The following LMNB1 variants were observed in gnomAD, a reference collection of about 807,000 sequenced individuals.
LMNB1 encodes the protein lamin-B1.
In LMNB1, 23 loss-of-function variants were observed where a neutral mutation model predicts 67.1. The observed-to-expected ratio is 0.34, with a 90% CI of 0.25 to 0.49. The LOEUF (loss-of-function observed/expected upper bound fraction) is 0.49, where lower values mean the gene tolerates loss of function less well. LMNB1 is among the 20% of genes least tolerant of loss of function. The pLI is 0.99. For synonymous variants in LMNB1, 281 were observed against 282.9 expected (o/e 0.99, Z 0.07); for missense variants, 634 against 746.5 (o/e 0.85, Z 1.76).
chr5:126,831,479 C>T (rs1752128295), intron 9 of LMNB1, among the ~76,000 whole-genome samples: 1 of 152,138 alleles, frequency 6.6e-6, no homozygotes, highest in African/African-American at 2.4e-5. Context: ...TGATAGGAGA[C>T]CTATTTCTGT....
chr5:126,816,618 T>C (rs1362438035), intron 5 of LMNB1, among the ~76,000 whole-genome samples: 1 of 152,230 alleles, frequency 6.6e-6, no homozygotes, highest in Non-Finnish European at 1.5e-5. Flanking sequence ...TCTTCTGTTA[T>C]CTTCTTTCTG....
At chr5:126,824,328 A>G (rs1442274521) in intron 8 of LMNB1, among the ~76,000 whole-genome samples, 1 of 152,224 alleles carries the variant, frequency 6.6e-6, no homozygotes, top group Non-Finnish European at 1.5e-5. Flanking sequence ...ATGAAACCCA[A>G]TATATCCAAA....
At chr5:126,786,299 T>A (rs1580525583) in intron 1 of LMNB1, among the ~76,000 whole-genome samples, 1 of 151,714 alleles carries the variant, frequency 6.6e-6, no homozygotes, top group African/African-American at 2.4e-5. Context: ...ATTTTTTGTA[T>A]TTTTTAGTAG....
intron 5 of LMNB1, among the ~76,000 whole-genome samples, chr5:126,812,334 T>C (rs1348799158): frequency 2.0e-5 from 3 of 152,260 alleles, no homozygotes; most frequent in Non-Finnish European, 4.4e-5. Flanking sequence ...ACAAATTCTT[T>C]AGTGCTTAAA....
At chr5:126,776,644 A>G (rs943748752), upstream of LMNB1, 1 of 152,158 alleles carries the variant, frequency 6.6e-6, no homozygotes, top group Non-Finnish European at 1.5e-5. Flanking sequence ...TAAGGTTACC[A>G]CGCCCGCGGT....
At chr5:126,787,965 T>C (rs1162499183) in intron 1 of LMNB1, among the ~76,000 whole-genome samples, 2 of 151,856 alleles carry the variant, frequency 1.3e-5, no homozygotes, top group Non-Finnish European at 2.9e-5. Context: ...CTGGCTATGC[T>C]GTGGAGGGAA....
Position 126,777,470 on chromosome 5 carries a change from G to T in LMNB1, c.-39G>T. On this transcript the variant is annotated 5_prime_UTR_variant, in exon 1 of 11. Transcript: ENST00000261366. The stretch of plus-strand genomic sequence containing the variant: ...GCCGTCCCCTCCTTATCACGGTCCC[G>T]CTCGCGGCCTCGCCGCCCCGCTGTC... The T allele has an allele frequency of 2.3e-6, 3 of 1,296,912 alleles. No individual in the cohort carries two copies. The highest frequency in any genetic ancestry group is 1.6e-5 in the African/African-American group (1 of 64,344). The allele number at this position is 1,296,912 out of a possible 1,614,324, so 80.3% of individuals were successfully genotyped here. A position where few individuals can be genotyped will look rare whatever the true frequency, so the allele number is the denominator to read the frequency against.
At chr5:126,802,653 C>A (rs1468388918) in intron 1 of LMNB1, among the ~76,000 whole-genome samples, 1 of 151,460 alleles carries the variant, frequency 6.6e-6, no homozygotes, top group African/African-American at 2.4e-5. Flanking sequence ...TTTGGCCAGG[C>A]TTGCCTCAAA....
At chr5:126,797,684 AAAT>A (rs1245746908) in intron 1 of LMNB1, among the ~76,000 whole-genome samples, 1 of 152,172 alleles carries the variant, frequency 6.6e-6, no homozygotes, top group Non-Finnish European at 1.5e-5. Context: ...GATGAATGAA[AAAT>A]AATATGGTTA....
At position 126,787,545 on chromosome 5, in the gene LMNB1, TA is replaced by T. The variant is rs66540364; in HGVS notation, c.359+9679del. Among the ~76,000 whole-genome samples, 41 of 64,800 alleles carry T rather than the reference TA, an allele frequency of 6.3e-4. 1 individual carries two copies. Among genetic ancestry groups the T allele is most frequent in the South Asian group, 1.8e-3 (3 of 1,700 alleles). 42.5% of individuals were successfully genotyped at this position (64,800 alleles called of 152,430 possible). On this transcript the variant is annotated intron_variant, in intron 1 of 10. Transcript: ENST00000261366. ...GGGGGTATATATATATATATATATA[TA>T]TTTTTTTTTTTTTTTTTTGAGATAG...
At chr5:126,795,488 T>C (rs1397326570) in intron 1 of LMNB1, among the ~76,000 whole-genome samples, 1 of 152,158 alleles carries the variant, frequency 6.6e-6, no homozygotes, top group Non-Finnish European at 1.5e-5. Flanking sequence ...GGAATGACTT[T>C]CTGCATGTTA....
At chr5:126,829,022 T>C (rs1326077503) in intron 9 of LMNB1, among the ~76,000 whole-genome samples, 1 of 152,124 alleles carries the variant, frequency 6.6e-6, no homozygotes, top group Non-Finnish European at 1.5e-5. Flanking sequence ...GATAAGACCA[T>C]ATTTGTCAGT....
At chr5:126,781,108 G>A (rs1750623124) in intron 1 of LMNB1, among the ~76,000 whole-genome samples, 1 of 152,074 alleles carries the variant, frequency 6.6e-6, no homozygotes, top group Non-Finnish European at 1.5e-5. Flanking sequence ...GTCCAACATG[G>A]CGAGACCCCG....
chr5:126,820,707 G>A (rs979650048), intron 6 of LMNB1, among the ~76,000 whole-genome samples: 1 of 151,906 alleles, frequency 6.6e-6, no homozygotes, highest in Non-Finnish European at 1.5e-5. Flanking sequence ...TGTATTTTTA[G>A]TAGAGACGGG....
intron 10 of LMNB1, among the ~76,000 whole-genome samples, chr5:126,835,240 G>A (rs1223276355): frequency 6.6e-6 from 1 of 152,216 alleles, no homozygotes; most frequent in Non-Finnish European, 1.5e-5. Flanking sequence ...AGGTTCATAA[G>A]AGGGAAGATG....
At chr5:126,795,112 GCTAA>G (rs113470090) in intron 1 of LMNB1, among the ~76,000 whole-genome samples, 9 of 141,526 alleles carry the variant, frequency 6.4e-5, no homozygotes, top group Admixed American at 2.9e-4. Context: ...GTTGGAATAT[GCTAA>G]CTAATTCCTT....
Position 126,805,841 on chromosome 5 carries a change from G to A in LMNB1, c.642+145G>A, listed in dbSNP as rs984707032. 4.5e-5 allele frequency: 28 copies of A among 625,360 alleles called. No homozygotes were observed. The East Asian group carries it at 8.2e-4, about 18-fold the overall frequency. The allele number at this position is 625,360 out of a possible 1,614,324, so 38.7% of individuals were successfully genotyped here. On this transcript the variant is annotated intron_variant, in intron 3 of 10. Coordinates refer to ENST00000261366, the MANE Select transcript of LMNB1 (RefSeq NM_005573.4). ...AAGAAATAATAAGGTTTGGGGATGG[G>A]GAGAAATTTTGCAGGTAGATTATTC... is the stretch of plus-strand genomic sequence containing the variant.
intron 1 of LMNB1, among the ~76,000 whole-genome samples, chr5:126,790,938 T>A (rs1171749194): frequency 6.6e-6 from 1 of 151,974 alleles, no homozygotes; most frequent in African/African-American, 2.4e-5. Flanking sequence ...AGGGAATTGC[T>A]TGAACCCGGG....
At chr5:126,786,112 CTTTTTTTT>C (rs70997312) in intron 1 of LMNB1, among the ~76,000 whole-genome samples, 2 of 106,668 alleles carry the variant, frequency 1.9e-5, no homozygotes, top group South Asian at 6.7e-4. Flanking sequence ...CAGACATTAT[CTTTTTTTT>C]TTTTTTTTTT....
Sources: allele counts gnomAD v4.1 joint callset (sites outside exome capture counted in the v4.1 genomes callset), GRCh38; gene constraint gnomAD v4.1.1; transcripts MANE v1.5; gene names NCBI Gene and HGNC (gene_info 2026-07-23, HGNC 2026-07-21).